The following FAM13C variants were observed in gnomAD, a reference collection of about 807,000 sequenced individuals.
The protein encoded by FAM13C is family with sequence similarity 13 member C.
Under a neutral mutation model 73.2 loss-of-function variants are expected in FAM13C, and 37 were observed. That is an observed-to-expected ratio of 0.51 (90% confidence interval 0.39 to 0.67). The LOEUF is 0.67. Ranked by LOEUF, FAM13C falls within the 30% of genes least tolerant of loss-of-function variation. The probability of loss-of-function intolerance (pLI) is 0.00; values close to 1 mark genes in which losing one functional copy is unlikely to be tolerated. For missense variants in FAM13C, 589 were observed against 715.6 expected, an observed-to-expected ratio of 0.82 and a Z score of 2.02; for synonymous variants, 246 against 260.9, an observed-to-expected ratio of 0.94 and a Z score of 0.55.
At chr10:59,350,594 G>A (rs540887883) in intron 3 of FAM13C, among the ~76,000 whole-genome samples, 5 of 152,224 alleles carry the variant, frequency 3.3e-5, no homozygotes, top group South Asian at 4.2e-4. Flanking sequence ...CACTCACTTC[G>A]CTGCAACAAG....
chr10:59,361,012 G>A (rs1856343536), intron 1 of FAM13C: 6 of 1,288,954 alleles, frequency 4.7e-6, no homozygotes, highest in African/African-American at 1.5e-5. Flanking sequence ...ACAGCAAAGG[G>A]AGGAGAGCAG....
intron 5 of FAM13C, among the ~76,000 whole-genome samples, chr10:59,297,981 A>G (rs1316923006): frequency 1.3e-5 from 2 of 152,130 alleles, no homozygotes; most frequent in African/African-American, 4.8e-5. Context: ...AATCCCCGCC[A>G]TTGGAGGTAT....
chr10:59,348,995 T>G (rs1402627619), intron 3 of FAM13C, among the ~76,000 whole-genome samples: 1 of 152,246 alleles, frequency 6.6e-6, no homozygotes, highest in Non-Finnish European at 1.5e-5. Flanking sequence ...TATTCATTCA[T>G]TTTTATAAAA....
In FAM13C at chr10:59,269,923, G is replaced by T; in HGVS notation, c.779C>A (p.Pro260Gln). ...CATCATAAACTGCTGAGTGCTGGGTGGAGATGGGGCTGACTCGGGGTCTAA... is the reference window on the plus strand; with the variant it reads ...CATCATAAACTGCTGAGTGCTGGGTTGAGATGGGGCTGACTCGGGGTCTAA... ...FNLDPESAPSPPSTQQFMMPR... is the reference protein window; with the variant it reads ...FNLDPESAPSQPSTQQFMMPR... Residue 260 changes from proline (P) to glutamine (Q), a missense_variant, in exon 7 of 14, where the codon CCA becomes CAA. Pro to Gln is a moderately conservative substitution (Grantham distance 76, BLOSUM62 -1). Coordinates refer to ENST00000618804, the MANE Select transcript of FAM13C (RefSeq NM_198215.4). The T allele has an allele frequency of 6.2e-7, 1 of 1,613,946 alleles. No individual in the cohort carries two copies. Among genetic ancestry groups the T allele is most frequent in the Non-Finnish European group, 8.5e-7 (1 of 1,179,896 alleles).
chr10:59,346,207 T>TAGAAA (rs3078329), intron 3 of FAM13C, among the ~76,000 whole-genome samples: 106,439 of 151,418 alleles, frequency 0.7, 37,985 homozygotes, highest in East Asian at 0.83. Flanking sequence ...TAGGGGAGGG[T>TAGAAA]AGAAATGGCC....
intron 3 of FAM13C, among the ~76,000 whole-genome samples, chr10:59,329,518 C>T (rs1461013015): frequency 6.6e-6 from 1 of 151,790 alleles, no homozygotes; most frequent in Non-Finnish European, 1.5e-5. Context: ...ACCACCATGC[C>T]CAGCTAATTT....
At chr10:59,351,012 C>T (rs1027146699) in intron 3 of FAM13C, among the ~76,000 whole-genome samples, 3 of 152,082 alleles carry the variant, frequency 2.0e-5, no homozygotes, top group Non-Finnish European at 4.4e-5. Context: ...TTTGTAATTA[C>T]GAGTTAGAGT....
chr10:59,362,559 C>T (rs1432572357), upstream of FAM13C: 2 of 1,552,216 alleles, frequency 1.3e-6, no homozygotes, highest in Non-Finnish European at 8.7e-7. Context: ...CGGGCTCGCC[C>T]GGCACGCTCG....
At position 59,324,110 on chromosome 10, in the gene FAM13C, C is replaced by G; in HGVS notation, c.325-4G>C. 1 of 1,607,954 alleles carries G rather than the reference C, an allele frequency of 6.2e-7. No homozygotes were observed. The highest frequency in any genetic ancestry group is 1.1e-5 in the South Asian group (1 of 90,646). On this transcript the variant is annotated splice_polypyrimidine_tract_variant and splice_region_variant and intron_variant, in intron 3 of 13. Transcript: ENST00000618804. Reference sequence around the variant, plus strand: ...TGGATACCACATGCTCTGTCTCCTGCAAGAAGAAAGAGCAAAAGTAGATGA... The same window carrying G: ...TGGATACCACATGCTCTGTCTCCTGGAAGAAGAAAGAGCAAAAGTAGATGA...
intron 3 of FAM13C, among the ~76,000 whole-genome samples, chr10:59,348,459 C>T (rs1231329143): frequency 7.9e-5 from 12 of 152,214 alleles, no homozygotes; most frequent in Non-Finnish European, 1.8e-4. Context: ...CCTGGTGGAG[C>T]TTTGCCTGAT....
At chr10:59,267,032 A>G (rs1263147307) in intron 8 of FAM13C, among the ~76,000 whole-genome samples, 1 of 152,186 alleles carries the variant, frequency 6.6e-6, no homozygotes, top group Non-Finnish European at 1.5e-5. Context: ...CATTTTACAC[A>G]TGACCAAACT....
In FAM13C at chr10:59,256,272, T is replaced by TA. The variant is rs529056384; in HGVS notation, c.1237-1830dup. Among the ~76,000 whole-genome samples, 21 of 152,338 alleles carry TA rather than the reference T, an allele frequency of 1.4e-4. 1 individual carries two copies. In the South Asian group the frequency reaches 4.1e-3, roughly 30 times the overall value. ...TTAAATGTAGTATCTTACTGGGACT[T>TA]ACAATTCATAGAAAGTATTTCAGAT... On this transcript the variant is annotated intron_variant, in intron 10 of 13. Coordinates refer to ENST00000618804, the MANE Select transcript of FAM13C (RefSeq NM_198215.4).
At chr10:59,254,574 G>T (rs1841749855) in intron 10 of FAM13C, 131 bp from the exon 11 acceptor site, 1 of 370,278 alleles carries the variant, frequency 2.7e-6, no homozygotes, top group African/African-American at 2.4e-5. Flanking sequence ...GAAAAGGAAA[G>T]TCATTTATTT....
intron 2 of FAM13C, among the ~76,000 whole-genome samples, chr10:59,353,184 A>C (rs79571841): frequency 0.01 from 1,552 of 152,320 alleles, 32 homozygotes; most frequent in African/African-American, 0.036. Flanking sequence ...CTGGGATGGC[A>C]CTTGTGTTCT....
intron 5 of FAM13C, chr10:59,300,753 A>G (rs555875140): frequency 6.6e-6 from 1 of 152,224 alleles, no homozygotes; most frequent in Non-Finnish European, 1.5e-5. Context: ...AAAAGAGCAT[A>G]TGTAATCCAT....
At chr10:59,299,344 GC>G (rs144829861) in intron 5 of FAM13C, among the ~76,000 whole-genome samples, 16,956 of 152,122 alleles carry the variant, frequency 0.11, 1,028 homozygotes, top group South Asian at 0.18. Context: ...AAATGCGGAA[GC>G]AAGGTGGGAA....
At chr10:59,328,710 A>C (rs1430969021) in intron 3 of FAM13C, among the ~76,000 whole-genome samples, 1 of 152,178 alleles carries the variant, frequency 6.6e-6, no homozygotes, top group African/African-American at 2.4e-5. Flanking sequence ...CCAAATTGAT[A>C]AAACTTTATT....
chr10:59,289,034 G>A (rs947922170), intron 5 of FAM13C, among the ~76,000 whole-genome samples: 3 of 152,178 alleles, frequency 2.0e-5, no homozygotes, highest in African/African-American at 7.2e-5. Flanking sequence ...TTGGCACCAG[G>A]GACCGGCTTT....
chr10:59,304,828 A>AGGGGGT (rs1167550653), intron 4 of FAM13C, among the ~76,000 whole-genome samples: 3 of 2,610 alleles, frequency 1.1e-3, no homozygotes, highest in Non-Finnish European at 2.0e-3. Flanking sequence ...GGGGAAGGGG[A>AGGGGGT]GGGGGCGGGG....
Sources: allele counts gnomAD v4.1 joint callset (sites outside exome capture counted in the v4.1 genomes callset), GRCh38; gene constraint gnomAD v4.1.1; transcripts MANE v1.5; gene names NCBI Gene and HGNC (gene_info 2026-07-23, HGNC 2026-07-21).